The following SLCO1B3 variants were observed in gnomAD, a reference collection of about 807,000 sequenced individuals.
SLCO1B3 encodes solute carrier organic anion transporter family member 1B3.
SLCO1B3 carries 72 observed loss-of-function variants against 71.8 expected under a neutral mutation model. The ratio of observed to expected loss-of-function variants is 1.00; its 90% CI spans 0.83 to 1.22. The LOEUF (loss-of-function observed/expected upper bound fraction) is 1.22. Among genes scored for constraint, SLCO1B3 ranks in the 50% most tolerant of loss-of-function variants. SLCO1B3 has a pLI of 0.00. For synonymous variants in SLCO1B3, 298 were observed against 278.4 expected (o/e 1.07, Z -0.70); for missense variants, 911 against 819.7 (o/e 1.11, Z -1.36).
intron 3 of SLCO1B3, among the ~76,000 whole-genome samples, chr12:20,833,225 T>G (rs78409307): frequency 0.13 from 19,966 of 150,432 alleles, 1,379 homozygotes; most frequent in Middle Eastern, 0.18. Flanking sequence ...AATCTCTTTG[T>G]TTTAAGTCAT....
At chr12:20,912,821 CTT>C (rs60164490) in intron 15 of SLCO1B3, among the ~76,000 whole-genome samples, 82 of 124,764 alleles carry the variant, frequency 6.6e-4, no homozygotes, top group East Asian at 2.2e-3. Flanking sequence ...TGCGCCCAGC[CTT>C]TTTTTTTTTT....
At position 20,829,208 on chromosome 12, in the gene SLCO1B3, G is replaced by A. The variant is rs77968577; in HGVS notation, c.84+13386G>A. Among the ~76,000 whole-genome samples, 868 of 152,246 alleles carry A rather than the reference G, an allele frequency of 5.7e-3. 7 individuals carry two copies. Among genetic ancestry groups the A allele is most frequent in the African/African-American group, 0.02 (833 of 41,534 alleles). Reference sequence around the variant, plus strand: ...TATAGGATCGCTGAGTGATCTAATCGTACGGAGAAATTAAGGCCAGCTAGT... The same window carrying A: ...TATAGGATCGCTGAGTGATCTAATCATACGGAGAAATTAAGGCCAGCTAGT... On this transcript the variant is annotated intron_variant, in intron 3 of 15. Coordinates refer to ENST00000381545, the MANE Select transcript of SLCO1B3 (RefSeq NM_019844.4).
chr12:20,872,191 G>C (rs555969000), intron 8 of SLCO1B3, among the ~76,000 whole-genome samples: 188 of 152,008 alleles, frequency 1.2e-3, no homozygotes, highest in Non-Finnish European at 2.2e-3. Flanking sequence ...GGAAGATTCT[G>C]CCAGGCCACC....
At chr12:20,836,452 C>A (rs764078532) in intron 3 of SLCO1B3, among the ~76,000 whole-genome samples, 1 of 152,030 alleles carries the variant, frequency 6.6e-6, no homozygotes, top group Non-Finnish European at 1.5e-5. Flanking sequence ...TATTGGTCTA[C>A]ATTTTTTTGT....
At chr12:20,835,508 T>G (rs947800758) in intron 3 of SLCO1B3, among the ~76,000 whole-genome samples, 1 of 152,142 alleles carries the variant, frequency 6.6e-6, no homozygotes, top group African/African-American at 2.4e-5. Context: ...TCTCTCAAGT[T>G]CAAAGTTCCA....
chr12:20,830,667 T>G (rs1347632233), intron 3 of SLCO1B3, among the ~76,000 whole-genome samples: 1 of 152,220 alleles, frequency 6.6e-6, no homozygotes, highest in Non-Finnish European at 1.5e-5. Flanking sequence ...TCCCAAGTAT[T>G]TATTTCCTTT....
intron 3 of SLCO1B3, among the ~76,000 whole-genome samples, chr12:20,850,433 C>G (rs1865002429): frequency 6.6e-6 from 1 of 151,898 alleles, no homozygotes; most frequent in Non-Finnish European, 1.5e-5. Flanking sequence ...GCACCCACCA[C>G]CACTCCCGGC....
intron 3 of SLCO1B3, among the ~76,000 whole-genome samples, chr12:20,850,978 A>C (rs1327913050): frequency 6.6e-6 from 1 of 152,086 alleles, no homozygotes; most frequent in Non-Finnish European, 1.5e-5. Context: ...TTATTTTTTG[A>C]CTTGTTAATA....
At chr12:20,834,073 T>A (rs1045504274) in intron 3 of SLCO1B3, among the ~76,000 whole-genome samples, 2 of 129,452 alleles carry the variant, frequency 1.5e-5, no homozygotes, top group African/African-American at 2.6e-5. Flanking sequence ...AAAATATAAA[T>A]ATATATAAAT....
intron 3 of SLCO1B3, among the ~76,000 whole-genome samples, chr12:20,826,820 T>C (rs1329727249): frequency 6.6e-6 from 1 of 152,080 alleles, no homozygotes; most frequent in East Asian, 1.9e-4. Context: ...CTTTGTTTCA[T>C]AAACTTTAGC....
At chr12:20,854,371 A>T (rs1024012581) in intron 3 of SLCO1B3, among the ~76,000 whole-genome samples, 1 of 151,946 alleles carries the variant, frequency 6.6e-6, no homozygotes, top group Non-Finnish European at 1.5e-5. Context: ...CATATATCTC[A>T]TTGCTTTAGT....
chr12:20,896,187 T>G (rs1866003532), intron 13 of SLCO1B3, among the ~76,000 whole-genome samples: 1 of 142,822 alleles, frequency 7.0e-6, no homozygotes, highest in Admixed American at 7.5e-5. Context: ...ATTTTCCCCA[T>G]TGTCTTGGGA....
At chr12:20,879,942 A>T (rs1466535751) in intron 11 of SLCO1B3, among the ~76,000 whole-genome samples, 3 of 152,084 alleles carry the variant, frequency 2.0e-5, no homozygotes, top group African/African-American at 7.2e-5. Context: ...CACACATTAT[A>T]TGGCTAGCAA....
intron 5 of SLCO1B3, chr12:20,858,987 G>A (rs1258006439): frequency 6.5e-6 from 1 of 153,030 alleles, no homozygotes; most frequent in Non-Finnish European, 1.5e-5. Flanking sequence ...TAACTGTGTA[G>A]TTATGATTAG....
chr12:20,852,166 TG>T (rs2121212073), intron 3 of SLCO1B3, among the ~76,000 whole-genome samples: 1 of 152,316 alleles, frequency 6.6e-6, no homozygotes, highest in South Asian at 2.1e-4. Context: ...ATTTTATATT[TG>T]TTTTTTCTAT....
chr12:20,840,146 T>C (rs1864765179), intron 3 of SLCO1B3, among the ~76,000 whole-genome samples: 1 of 152,196 alleles, frequency 6.6e-6, no homozygotes, highest in Non-Finnish European at 1.5e-5. Flanking sequence ...CTCTGCCATA[T>C]GTGAGTTTGG....
intron 15 of SLCO1B3, among the ~76,000 whole-genome samples, chr12:20,906,156 A>G (rs1378385338): frequency 6.6e-6 from 1 of 152,186 alleles, no homozygotes; most frequent in Non-Finnish European, 1.5e-5. Context: ...AATCCAAACT[A>G]TATCAATCAA....
intron 3 of SLCO1B3, among the ~76,000 whole-genome samples, chr12:20,834,368 A>ACT (rs1402243657): frequency 9.7e-6 from 1 of 102,976 alleles, no homozygotes; most frequent in East Asian, 3.7e-4. Flanking sequence ...ATACGTGGAG[A>ACT]CTATATATAT....
chr12:20,897,731 C>T (rs978894552), intron 13 of SLCO1B3, among the ~76,000 whole-genome samples: 2 of 152,176 alleles, frequency 1.3e-5, no homozygotes, highest in South Asian at 4.1e-4. Flanking sequence ...AGTCATCCAC[C>T]TCATCCCAGC....
Sources: allele counts gnomAD v4.1 joint callset (sites outside exome capture counted in the v4.1 genomes callset), GRCh38; gene constraint gnomAD v4.1.1; transcripts MANE v1.5; gene names NCBI Gene and HGNC (gene_info 2026-07-23, HGNC 2026-07-21).